SPAG9: variants seen among roughly 807,000 people sequenced by gnomAD.
SPAG9 encodes the protein sperm associated antigen 9.
A neutral mutation model predicts 166.5 loss-of-function variants in SPAG9; 35 were observed. The ratio of observed to expected loss-of-function variants is 0.21; its 90% CI spans 0.16 to 0.28. The LOEUF (loss-of-function observed/expected upper bound fraction) is 0.28. Ranked by LOEUF, SPAG9 falls within the 10% of genes least tolerant of loss-of-function variation. The pLI is 1.00. For synonymous variants in SPAG9, 534 were observed against 565.5 expected (o/e 0.94, Z 0.79); for missense variants, 1,235 against 1,603.3 (o/e 0.77, Z 3.92).
At position 51,120,834 on chromosome 17, in the gene SPAG9, G is replaced by A. The variant is rs925134131; in HGVS notation, c.-178C>T. ...CCGGAGGAGGGGAGGGGTGGCGTAG[G>A]CGCTCTCACCCCAACCGCCGCTGCA... On this transcript the variant is annotated 5_prime_UTR_variant, in exon 1 of 30. Transcript: ENST00000262013. The surrounding 1 kb of genome is among the most constrained non-coding windows in gnomAD (Gnocchi z 4.7). 2.3e-6 allele frequency: 1 copy of A among 428,646 alleles called. No individual in the cohort carries two copies. Among genetic ancestry groups the A allele is most frequent in the Non-Finnish European group, 4.0e-6 (1 of 250,116 alleles). The allele number at this position is 428,646 out of a possible 1,614,324, so 26.6% of individuals were successfully genotyped here. A position where few individuals can be genotyped will look rare whatever the true frequency, so the allele number is the denominator to read the frequency against.
chr17:51,038,852 C>T (rs1039982926), intron 5 of SPAG9, among the ~76,000 whole-genome samples: 2 of 152,072 alleles, frequency 1.3e-5, no homozygotes, highest in East Asian at 1.9e-4. Context: ...ACTTGTTTGT[C>T]GATCTCCATG....
At chr17:51,013,221 C>A (rs2045564377) in intron 9 of SPAG9, among the ~76,000 whole-genome samples, 1 of 152,136 alleles carries the variant, frequency 6.6e-6, no homozygotes, top group African/African-American at 2.4e-5. Flanking sequence ...CCAATAGATA[C>A]AAATTTTTTT....
At chr17:51,002,009 T>C (rs2044974708) in intron 12 of SPAG9, among the ~76,000 whole-genome samples, 164 bp from the exon 13 acceptor site, 1 of 152,014 alleles carries the variant, frequency 6.6e-6, no homozygotes, top group Non-Finnish European at 1.5e-5. Flanking sequence ...CAACAAAGAC[T>C]TTTTTTTAAA....
intron 29 of SPAG9, among the ~76,000 whole-genome samples, chr17:50,969,049 C>T (rs1407957794): frequency 6.6e-6 from 1 of 152,002 alleles, no homozygotes; most frequent in African/African-American, 2.4e-5. Flanking sequence ...TCTCCTGCCT[C>T]AGCCTCCTGA....
At chr17:51,031,910 A>G (rs2046398221) in intron 5 of SPAG9, 188 bp from the exon 6 acceptor site, 1 of 680,900 alleles carries the variant, frequency 1.5e-6, no homozygotes, top group African/African-American at 1.8e-5. Flanking sequence ...TAGTTTAAGT[A>G]ATATCATGGT....
chr17:51,107,187 A>G (rs2048976592), intron 1 of SPAG9, among the ~76,000 whole-genome samples: 1 of 151,862 alleles, frequency 6.6e-6, no homozygotes. Context: ...TTATCTTTCC[A>G]CCTACTTGGG....
At chr17:51,028,209 AG>A in intron 6 of SPAG9, among the ~76,000 whole-genome samples, 1 of 152,284 alleles carries the variant, frequency 6.6e-6, no homozygotes, top group South Asian at 2.1e-4. Flanking sequence ...AAAAATTTAA[AG>A]TTTATAAAGT....
intron 7 of SPAG9, among the ~76,000 whole-genome samples, chr17:51,020,882 A>C (rs1473477495): frequency 1.3e-5 from 2 of 152,208 alleles, no homozygotes; most frequent in Admixed American, 1.3e-4. Flanking sequence ...ATAATACCTA[A>C]TACAATGTAA....
chr17:51,077,033 T>TATCTAGCTAG (rs1568065402), intron 2 of SPAG9, among the ~76,000 whole-genome samples: 3 of 94,486 alleles, frequency 3.2e-5, no homozygotes, highest in South Asian at 3.2e-4. Flanking sequence ...TAGCTATCTA[T>TATCTAGCTAG]CTAGCTATCT....
intron 28 of SPAG9, among the ~76,000 whole-genome samples, chr17:50,973,245 T>C (rs993882781): frequency 3.3e-5 from 5 of 151,750 alleles, no homozygotes; most frequent in African/African-American, 1.2e-4. Flanking sequence ...ATAGTAAAAA[T>C]ACAAAAACAG....
intron 1 of SPAG9, among the ~76,000 whole-genome samples, chr17:51,098,279 C>T (rs192823970): frequency 1.3e-5 from 2 of 152,066 alleles, no homozygotes; most frequent in East Asian, 1.9e-4. Context: ...ACAAATACAG[C>T]GGGCTGATTG....
At chr17:50,997,115 G>C (rs1597947478) in intron 15 of SPAG9, among the ~76,000 whole-genome samples, 1 of 151,950 alleles carries the variant, frequency 6.6e-6, no homozygotes, top group African/African-American at 2.4e-5. Flanking sequence ...CAGCCTGGGG[G>C]ACAAGAGCAA....
At chr17:51,088,436 T>G (rs576563659) in intron 1 of SPAG9, among the ~76,000 whole-genome samples, 1 of 152,308 alleles carries the variant, frequency 6.6e-6, no homozygotes, top group South Asian at 2.1e-4. Context: ...CATAAACATT[T>G]ACAGTGTAAC....
intron 1 of SPAG9, among the ~76,000 whole-genome samples, chr17:51,119,610 G>C (rs1363893233): frequency 6.6e-6 from 1 of 152,122 alleles, no homozygotes; most frequent in African/African-American, 2.4e-5. Context: ...GACGGAAAAA[G>C]TGTTGCCAAC....
intron 3 of SPAG9, among the ~76,000 whole-genome samples, chr17:51,053,763 G>A (rs1288853106): frequency 2.7e-5 from 4 of 146,670 alleles, no homozygotes; most frequent in African/African-American, 5.0e-5. Flanking sequence ...GCTTGAGCCC[G>A]GGAGGTTGAG....
intron 2 of SPAG9, among the ~76,000 whole-genome samples, chr17:51,062,825 G>A (rs949775061): frequency 1.2e-4 from 18 of 151,994 alleles, no homozygotes. Context: ...CCTGACCTCA[G>A]GAGATCCACC....
intron 1 of SPAG9, among the ~76,000 whole-genome samples, chr17:51,119,408 C>A (rs1188567761): frequency 6.6e-6 from 1 of 152,168 alleles, no homozygotes; most frequent in Non-Finnish European, 1.5e-5. Flanking sequence ...ATAAGGTCCA[C>A]AGAAATAACG....
At chr17:51,062,408 A>G (rs1407227313) in intron 2 of SPAG9, among the ~76,000 whole-genome samples, 2 of 152,172 alleles carry the variant, frequency 1.3e-5, no homozygotes, top group African/African-American at 4.8e-5. Flanking sequence ...TGCCTTAAAA[A>G]TCCTGTGCTC....
intron 1 of SPAG9, among the ~76,000 whole-genome samples, chr17:51,084,875 G>C (rs1189786585): frequency 3.9e-5 from 6 of 151,974 alleles, no homozygotes; most frequent in African/African-American, 7.2e-5. Context: ...TTTTGAGATG[G>C]AGTCTGGCTC....
Sources: allele counts gnomAD v4.1 joint callset (sites outside exome capture counted in the v4.1 genomes callset), GRCh38; gene constraint gnomAD v4.1.1; non-coding constraint Gnocchi (gnomAD v3.1); transcripts MANE v1.5; gene names NCBI Gene and HGNC (gene_info 2026-07-23, HGNC 2026-07-21).